BCKDHB: variants seen among roughly 807,000 people sequenced by gnomAD.
BCKDHB encodes 2-oxoisovalerate dehydrogenase subunit beta, mitochondrial.
A neutral mutation model predicts 48.5 loss-of-function variants in BCKDHB; 41 were observed. The observed-to-expected ratio is 0.85, with a 90% CI of 0.66 to 1.10. The LOEUF is 1.10. Among genes scored for constraint, BCKDHB ranks in the 50% least tolerant of loss-of-function variants. The pLI, the probability that BCKDHB is intolerant of heterozygous loss-of-function variation, is 0.00. For missense variants in BCKDHB, 496 were observed against 494.2 expected, an observed-to-expected ratio of 1.00 and a Z score of -0.03; for synonymous variants, 201 against 174.8, an observed-to-expected ratio of 1.15 and a Z score of -1.18.
chr6:80,389,808 G>C, the BCKDHB span, among the ~76,000 whole-genome samples: 1 of 152,150 alleles, frequency 6.6e-6, no homozygotes, highest in Non-Finnish European at 1.5e-5. Flanking sequence ...TGTATGCTCT[G>C]AATCAGCAAC....
chr6:80,208,845 T>C (rs1375018630), intron 8 of BCKDHB, among the ~76,000 whole-genome samples: 1 of 151,838 alleles, frequency 6.6e-6, no homozygotes, highest in East Asian at 1.9e-4. Context: ...CTCTAAAATG[T>C]AGTCCTTATG....
chr6:80,316,833 G>C (rs907056866), intron 9 of BCKDHB, among the ~76,000 whole-genome samples: 1 of 152,190 alleles, frequency 6.6e-6, no homozygotes, highest in African/African-American at 2.4e-5. Flanking sequence ...GATCGCAGTG[G>C]AGGGCAGAAG....
At chr6:80,257,335 A>G (rs1011050727) in intron 8 of BCKDHB, among the ~76,000 whole-genome samples, 3 of 136,644 alleles carry the variant, frequency 2.2e-5, no homozygotes, top group Admixed American at 7.2e-5. Flanking sequence ...GTGTATATGT[A>G]TCTATACACA....
At chr6:80,131,690 T>C (rs1770638517) in intron 3 of BCKDHB, among the ~76,000 whole-genome samples, 1 of 152,020 alleles carries the variant, frequency 6.6e-6, no homozygotes, top group Admixed American at 6.6e-5. Context: ...TCGCCCAGGC[T>C]GGAGTGCAGT....
rs558448066 is a variant in BCKDHB, at chr6:80,106,717, C to T, written c.24C>T (p.Ala8=). The T allele has an allele frequency of 1.5e-5, 24 of 1,552,416 alleles. No individual in the cohort carries two copies. The highest frequency in any genetic ancestry group is 9.4e-5 in the South Asian group (8 of 84,710). ...GGATGGCGGTTGTAGCGGCGGCTGC[C>T]GGCTGGCTACTCAGGCTCAGGGCGG... The part of the protein sequence containing the change: MAVVAAA[A]GWLLRLRAAG... The change falls in exon 1 of 10, where the codon GCC becomes GCT. Residue 8 remains alanine, a synonymous_variant. Coordinates refer to ENST00000320393, the MANE Select transcript of BCKDHB (RefSeq NM_183050.4).
chr6:80,429,494 C>T, the BCKDHB span, among the ~76,000 whole-genome samples: 4 of 152,190 alleles, frequency 2.6e-5, no homozygotes, highest in African/African-American at 7.2e-5. Context: ...ATTGATTCTT[C>T]CTATCCATGA....
intron 6 of BCKDHB, among the ~76,000 whole-genome samples, chr6:80,179,887 C>T (rs1773331815): frequency 1.3e-5 from 2 of 152,132 alleles, no homozygotes; most frequent in African/African-American, 4.8e-5. Flanking sequence ...GAAATGTAGT[C>T]TTCCTGCATT....
the BCKDHB span, among the ~76,000 whole-genome samples, chr6:80,453,816 C>T: frequency 6.6e-6 from 1 of 152,084 alleles, no homozygotes; most frequent in Non-Finnish European, 1.5e-5. Context: ...TCCTGTTCTT[C>T]CTGCTTTATT....
chr6:80,418,851 C>T, the BCKDHB span, among the ~76,000 whole-genome samples: 10 of 152,270 alleles, frequency 6.6e-5, no homozygotes, highest in South Asian at 1.0e-3. Context: ...GTGTTCATCA[C>T]GGTAGCAGAG....
At chr6:80,464,563 T>TAATA in the BCKDHB span, among the ~76,000 whole-genome samples, 5 of 152,216 alleles carry the variant, frequency 3.3e-5, no homozygotes, top group African/African-American at 1.2e-4. Flanking sequence ...CCTTAATATC[T>TAATA]AATAAAAATT....
chr6:80,328,787 A>G (rs1400214429), intron 9 of BCKDHB, among the ~76,000 whole-genome samples: 1 of 152,148 alleles, frequency 6.6e-6, no homozygotes, highest in African/African-American at 2.4e-5. Context: ...AGCCTTAGTG[A>G]CTGAAAACAC....
chr6:80,169,649 T>C (rs1366557823), intron 5 of BCKDHB, among the ~76,000 whole-genome samples: 1 of 152,212 alleles, frequency 6.6e-6, no homozygotes, highest in Admixed American at 6.5e-5. Flanking sequence ...TTTTGTATTA[T>C]CTTTTCTGTT....
At chr6:80,283,968 C>G (rs1298877445) in intron 9 of BCKDHB, among the ~76,000 whole-genome samples, 1 of 152,074 alleles carries the variant, frequency 6.6e-6, no homozygotes, top group Admixed American at 6.5e-5. Context: ...GAAATGTTAG[C>G]CATGTTTTGT....
At chr6:80,248,902 A>ATGTGTG (rs3077568) in intron 8 of BCKDHB, among the ~76,000 whole-genome samples, 2,727 of 146,774 alleles carry the variant, frequency 0.019, 42 homozygotes, top group Non-Finnish European at 0.027. Flanking sequence ...GTGTGTGTGT[A>ATGTGTG]TGTGTGTGTG....
chr6:80,149,425 C>T (rs191710773), intron 3 of BCKDHB, among the ~76,000 whole-genome samples: 7,839 of 152,112 alleles, frequency 0.052, 316 homozygotes, highest in Middle Eastern at 0.19. Flanking sequence ...TCCTCAGGGA[C>T]CTAGAACTAG....
At chr6:80,245,355 TC>T (rs1776568079) in intron 8 of BCKDHB, among the ~76,000 whole-genome samples, 1 of 151,494 alleles carries the variant, frequency 6.6e-6, no homozygotes, top group Non-Finnish European at 1.5e-5. Flanking sequence ...GGAATAAAAT[TC>T]AAAAAAGGCT....
rs141944404 is a variant in BCKDHB, at chr6:80,267,692, G to A, written c.952-5443G>A. Among the ~76,000 whole-genome samples, 210 of 152,162 alleles carry A rather than the reference G, an allele frequency of 1.4e-3. 1 individual carries two copies. The highest frequency in any genetic ancestry group is 1.9e-3 in the Non-Finnish European group (130 of 67,988). ...ATTTTGAAGTAGCTTTCAGAAAGAT[G>A]TCCACTTTTAATTTTGCAAAAGCAG... On this transcript the variant is annotated intron_variant, in intron 8 of 9. Coordinates refer to ENST00000320393, the MANE Select transcript of BCKDHB (RefSeq NM_183050.4).
At chr6:80,238,232 G>A (rs1211746561) in intron 8 of BCKDHB, among the ~76,000 whole-genome samples, 1 of 152,116 alleles carries the variant, frequency 6.6e-6, no homozygotes, top group Non-Finnish European at 1.5e-5. Context: ...TGAGTAGCTG[G>A]GGCTACAGGC....
intron 8 of BCKDHB, among the ~76,000 whole-genome samples, chr6:80,255,567 C>T (rs920086807): frequency 7.2e-5 from 11 of 152,148 alleles, no homozygotes; most frequent in Admixed American, 1.3e-4. Context: ...CTGCTCTTAC[C>T]GAACAGCATG....
Sources: gnomAD v4.1 joint callset for allele counts (sites outside exome capture counted in the v4.1 genomes callset) on GRCh38, gnomAD v4.1.1 for gene constraint, MANE v1.5 for transcripts, NCBI Gene and HGNC (gene_info 2026-07-23, HGNC 2026-07-21) for gene names.